The following CSNK1G1 variants were observed in gnomAD, a reference collection of about 807,000 sequenced individuals.
The protein encoded by CSNK1G1 is casein kinase I isoform gamma-1.
A neutral mutation model predicts 59.6 loss-of-function variants in CSNK1G1; 22 were observed. The observed-to-expected ratio is 0.37, with a 90% CI of 0.26 to 0.53. CSNK1G1 has a LOEUF of 0.53. Among genes scored for constraint, CSNK1G1 ranks in the 20% least tolerant of loss-of-function variants. The probability of loss-of-function intolerance (pLI) is 0.89; values close to 1 mark genes in which losing one functional copy is unlikely to be tolerated. For missense variants in CSNK1G1, 384 were observed against 519.5 expected, an observed-to-expected ratio of 0.74 and a Z score of 2.54; for synonymous variants, 179 against 177.1, an observed-to-expected ratio of 1.01 and a Z score of -0.08.
intron 2 of CSNK1G1, among the ~76,000 whole-genome samples, chr15:64,283,176 T>G (rs1894234222): frequency 6.6e-6 from 1 of 152,104 alleles, no homozygotes; most frequent in Non-Finnish European, 1.5e-5. Context: ...ACAAAAAGTG[T>G]ATCTAAAGTG....
At chr15:64,351,404 C>G (rs1898277929) in intron 1 of CSNK1G1, among the ~76,000 whole-genome samples, 1 of 152,142 alleles carries the variant, frequency 6.6e-6, no homozygotes, top group South Asian at 2.1e-4. Flanking sequence ...AAGGTTTAGT[C>G]ATTTTTAGAT....
At chr15:64,225,613 A>C (rs1307373326) in intron 4 of CSNK1G1, among the ~76,000 whole-genome samples, 1 of 152,096 alleles carries the variant, frequency 6.6e-6, no homozygotes, top group Non-Finnish European at 1.5e-5. Context: ...AGGTACTTAG[A>C]TGTGTTACCA....
chr15:64,239,085 C>T (rs2082659621), intron 4 of CSNK1G1, among the ~76,000 whole-genome samples: 1 of 152,146 alleles, frequency 6.6e-6, no homozygotes, highest in South Asian at 2.1e-4. Context: ...CTAAACCTAC[C>T]TGCACACAGA....
chr15:64,280,514 A>G (rs1894066315), intron 2 of CSNK1G1, among the ~76,000 whole-genome samples: 1 of 151,624 alleles, frequency 6.6e-6, no homozygotes, highest in South Asian at 2.1e-4. Context: ...GTTCTATAAA[A>G]ATAGCCCGGC....
intron 2 of CSNK1G1, among the ~76,000 whole-genome samples, chr15:64,298,160 A>T (rs1348782790): frequency 6.6e-6 from 1 of 152,230 alleles, no homozygotes; most frequent in South Asian, 2.1e-4. Flanking sequence ...TATGCTTTTA[A>T]CTGAATGAAT....
chr15:64,227,305 C>G (rs1196720794), intron 4 of CSNK1G1, among the ~76,000 whole-genome samples: 1 of 152,168 alleles, frequency 6.6e-6, no homozygotes, highest in East Asian at 1.9e-4. Context: ...TATGAATACT[C>G]CAAGTAAATT....
intron 1 of CSNK1G1, among the ~76,000 whole-genome samples, chr15:64,340,434 AGTT>A (rs1190985050): frequency 6.6e-6 from 1 of 152,112 alleles, no homozygotes; most frequent in Non-Finnish European, 1.5e-5. Context: ...TTCTCCTTGT[AGTT>A]GTTATGTAGG....
chr15:64,323,153 C>CT lies in CSNK1G1; in HGVS notation c.-224-22431dup, dbSNP rs1373621588. 5.9e-5 allele frequency among the ~76,000 whole-genome samples: 9 copies of CT among 152,186 alleles called. 1 individual carries two copies. Among genetic ancestry groups the CT allele is most frequent in the African/African-American group, 1.9e-4 (8 of 41,516 alleles). On this transcript the variant is annotated intron_variant, in intron 1 of 11. Transcript: ENST00000303052. ...TGTTGCCCAGGCTGGTCTTGAACTC[C>CT]TGGCCTCAAGTGATCCTCCTGCCTT... is the stretch of plus-strand genomic sequence containing the variant.
chr15:64,304,478 A>G (rs1040772788), intron 1 of CSNK1G1, among the ~76,000 whole-genome samples: 1 of 151,820 alleles, frequency 6.6e-6, no homozygotes, highest in Non-Finnish European at 1.5e-5. Flanking sequence ...AATTAAAGTT[A>G]CTAAGTTTTT....
At chr15:64,332,971 G>A (rs1164955406) in intron 1 of CSNK1G1, among the ~76,000 whole-genome samples, 1 of 152,096 alleles carries the variant, frequency 6.6e-6, no homozygotes, top group African/African-American at 2.4e-5. Context: ...AAATTTCCCT[G>A]ACTAGCTGGG....
intron 2 of CSNK1G1, among the ~76,000 whole-genome samples, chr15:64,262,529 A>G (rs1892750211): frequency 6.6e-6 from 1 of 152,242 alleles, no homozygotes; most frequent in Admixed American, 6.5e-5. Context: ...GTGTGGGAAG[A>G]AACAGAAGAA....
chr15:64,309,143 C>A (rs1353283536), intron 1 of CSNK1G1, among the ~76,000 whole-genome samples: 1 of 152,014 alleles, frequency 6.6e-6, no homozygotes. Context: ...AATTACAGTG[C>A]CCCTCTTATG....
intron 4 of CSNK1G1, among the ~76,000 whole-genome samples, chr15:64,233,605 GA>G (rs1256375107): frequency 6.6e-6 from 1 of 152,160 alleles, no homozygotes; most frequent in Non-Finnish European, 1.5e-5. Context: ...CACAGTATCA[GA>G]AATGTCCTAA....
At chr15:64,281,162 C>T (rs567084974) in intron 2 of CSNK1G1, among the ~76,000 whole-genome samples, 7 of 152,274 alleles carry the variant, frequency 4.6e-5, no homozygotes, top group African/African-American at 1.2e-4. Flanking sequence ...TACAGGCATA[C>T]GCCACCATGC....
At chr15:64,296,806 G>A (rs1895043698) in intron 2 of CSNK1G1, among the ~76,000 whole-genome samples, 2 of 151,808 alleles carry the variant, frequency 1.3e-5, no homozygotes, top group Admixed American at 6.6e-5. Context: ...AGAGGTTGCA[G>A]TGAGCCGAGA....
intron 2 of CSNK1G1, among the ~76,000 whole-genome samples, chr15:64,286,320 G>GATACTGTTAACATGTTATTGTTAACA (rs1894408127): frequency 1.5e-5 from 2 of 137,770 alleles, no homozygotes; most frequent in African/African-American, 5.4e-5. Flanking sequence ...CCACTCTGCT[G>GATACTGTTAACATGTTATTGTTAACA]ATATTGTTAA....
rs116462015 is a variant in CSNK1G1, at chr15:64,171,685, T to C, written c.*246A>G. ...AAGGAGAGTCAACCAGGCAGCCCTA[T>C]GGGCAAGCAGTGGAGGAACAGCAGC... On this transcript the variant is annotated 3_prime_UTR_variant, in exon 12 of 12. Coordinates refer to ENST00000303052, the MANE Select transcript of CSNK1G1 (RefSeq NM_022048.5). The surrounding 1 kb of genome is among the most constrained non-coding windows in gnomAD (Gnocchi z 4.8). The C allele has an allele frequency of 3.0e-3, 1,714 of 565,452 alleles. 27 individuals are homozygous for C. The highest frequency in any genetic ancestry group is 0.028 in the African/African-American group (1,509 of 53,214). 35.0% of individuals were successfully genotyped at this position (565,452 alleles called of 1,614,324 possible). A position where few individuals can be genotyped will look rare whatever the true frequency, so the allele number is the denominator to read the frequency against.
rs143530231 is a variant in CSNK1G1 at position 64,247,669 on chromosome 15, A to G, written c.292+3843T>C. On this transcript the variant is annotated intron_variant, in intron 4 of 11. Transcript: ENST00000303052. The stretch of plus-strand genomic sequence containing the variant: ...TACCCAGTGCTGTCATTTTTGTTCT[A>G]TCTCTACATAATTAGAGAATTGGTA... 2.5e-4 allele frequency among the ~76,000 whole-genome samples: 38 copies of G among 152,342 alleles called. No individual in the cohort carries two copies. The East Asian group carries it at 6.9e-3, about 28-fold the overall frequency.
chr15:64,216,570 T>A lies in CSNK1G1; in HGVS notation c.436A>T (p.Ile146Phe). 1.2e-6 allele frequency: 2 copies of A among 1,613,848 alleles called. No individual in the cohort carries two copies. Among genetic ancestry groups the A allele is most frequent in the Non-Finnish European group, 1.7e-6 (2 of 1,179,822 alleles). The change falls in exon 5 of 12, where the codon ATC becomes TTC. Residue 146 changes from isoleucine to phenylalanine, a missense_variant. This residue lies in a region of CSNK1G1 where 325 missense variants were observed against 440.9 expected (regional missense o/e 0.74). Transcript: ENST00000303052. This position sits in a 1 kb window ranked among gnomAD's most constrained non-coding sequence, Gnocchi z 4.6. ...FTLKTVLMIAIQLLSRMEYVH... is the reference protein window; with the variant it reads ...FTLKTVLMIAFQLLSRMEYVH... ...GAGCAATTCCAACTTACCAGCTGGA[T>A]GGCTATCATTAACACCGTCTTCAAA...
Sources: allele counts gnomAD v4.1 joint callset (sites outside exome capture counted in the v4.1 genomes callset), GRCh38; gene constraint gnomAD v4.1.1; regional missense constraint gnomAD v4.1.1; non-coding constraint Gnocchi (gnomAD v3.1); transcripts MANE v1.5; gene names NCBI Gene and HGNC (gene_info 2026-07-23, HGNC 2026-07-21).